Variants in PRKG1 observed in about 807,000 individuals in gnomAD.
PRKG1 encodes the protein protein kinase cGMP-dependent 1.
PRKG1 carries 35 observed loss-of-function variants against 88.1 expected under a neutral mutation model. The observed-to-expected ratio is 0.40, with a 90% CI of 0.30 to 0.53. PRKG1 has a LOEUF of 0.53. Among genes scored for constraint, PRKG1 ranks in the 20% least tolerant of loss-of-function variants. The pLI is 0.59. For missense variants in PRKG1, 540 were observed against 839.8 expected (o/e 0.64, Z 4.41); for synonymous variants, 303 against 292.5 (o/e 1.04, Z -0.37).
chr10:51,840,324 T>G (rs997577478), intron 4 of PRKG1, among the ~76,000 whole-genome samples: 7 of 152,088 alleles, frequency 4.6e-5, no homozygotes, highest in Non-Finnish European at 1.0e-4. Context: ...AACATTTCAT[T>G]TTTTAAAAGA....
intron 3 of PRKG1, among the ~76,000 whole-genome samples, chr10:51,764,286 C>T (rs1233466656): frequency 2.6e-5 from 4 of 152,138 alleles, no homozygotes; most frequent in African/African-American, 4.8e-5. Context: ...AGAAACTGCT[C>T]ATAGTGTTAG....
intron 9 of PRKG1, among the ~76,000 whole-genome samples, chr10:52,214,828 T>C (rs1157947282): frequency 7.2e-5 from 11 of 151,738 alleles, no homozygotes; most frequent in Non-Finnish European, 1.5e-4. Context: ...CTAGAGACAA[T>C]AGGAAGAAGA....
chr10:51,217,042 T>G (rs374476757), intron 2 of PRKG1, among the ~76,000 whole-genome samples: 1 of 152,158 alleles, frequency 6.6e-6, no homozygotes, highest in South Asian at 2.1e-4. Flanking sequence ...CCTGTGCAGA[T>G]AGTCAAATTG....
Position 52,106,695 on chromosome 10 carries a change from C to G in PRKG1, c.936-27145C>G, listed in dbSNP as rs1032502040. On this transcript the variant is annotated intron_variant, in intron 7 of 17. Transcript: ENST00000373980. ...CTCCAGCCTGGGCAGCAGAGCGAGACTCTGTCCCAAAATAATAATAATAAT... is the reference window on the plus strand; with the variant it reads ...CTCCAGCCTGGGCAGCAGAGCGAGAGTCTGTCCCAAAATAATAATAATAAT... 8.0e-5 allele frequency among the ~76,000 whole-genome samples: 11 copies of G among 136,704 alleles called. No homozygotes were observed. In the East Asian group the frequency reaches 2.4e-3, roughly 29 times the overall value. 89.7% of individuals were successfully genotyped at this position (136,704 alleles called of 152,430 possible). A position where few individuals can be genotyped will look rare whatever the true frequency, so the allele number is the denominator to read the frequency against.
At chr10:51,373,805 T>C (rs1403249699) in intron 2 of PRKG1, among the ~76,000 whole-genome samples, 1 of 152,102 alleles carries the variant, frequency 6.6e-6, no homozygotes, top group Non-Finnish European at 1.5e-5. Flanking sequence ...GTTTCTTTTC[T>C]TTCTTTTTTT....
At chr10:51,485,853 C>T (rs1020351425) in intron 3 of PRKG1, among the ~76,000 whole-genome samples, 13 of 152,142 alleles carry the variant, frequency 8.5e-5, no homozygotes, top group African/African-American at 3.1e-4. Context: ...AGTGTAGCAG[C>T]TTGCTAACGG....
intron 4 of PRKG1, among the ~76,000 whole-genome samples, chr10:51,830,276 T>C (rs1025297733): frequency 2.0e-5 from 3 of 152,166 alleles, no homozygotes; most frequent in Admixed American, 6.5e-5. Flanking sequence ...TCTTGAATAA[T>C]GAGTCTTCAG....
At chr10:51,418,223 C>T (rs1838298407) in intron 2 of PRKG1, among the ~76,000 whole-genome samples, 2 of 152,082 alleles carry the variant, frequency 1.3e-5, no homozygotes, top group South Asian at 2.1e-4. Flanking sequence ...TTTTAGTTAG[C>T]CTTGAGATTC....
chr10:52,168,853 A>G (rs1245581256), intron 9 of PRKG1, among the ~76,000 whole-genome samples: 1 of 152,180 alleles, frequency 6.6e-6, no homozygotes, highest in African/African-American at 2.4e-5. Flanking sequence ...AGAATTCACT[A>G]AGGTAGAGAA....
intron 1 of PRKG1, among the ~76,000 whole-genome samples, chr10:51,100,891 TG>T (rs1306515688): frequency 6.6e-6 from 1 of 152,172 alleles, no homozygotes; most frequent in African/African-American, 2.4e-5. Context: ...AACAGATTCC[TG>T]GGCTGTGAAA....
intron 3 of PRKG1, among the ~76,000 whole-genome samples, chr10:51,478,398 C>A (rs1840260379): frequency 6.6e-6 from 1 of 152,060 alleles, no homozygotes; most frequent in Non-Finnish European, 1.5e-5. Flanking sequence ...GGTAAAGCTG[C>A]TGGTGATGGC....
chr10:51,017,047 G>A (rs981559694), intron 1 of PRKG1, among the ~76,000 whole-genome samples: 2 of 151,730 alleles, frequency 1.3e-5, no homozygotes, highest in African/African-American at 4.8e-5. Flanking sequence ...AGCATCTTGA[G>A]TTACATGAGA....
In PRKG1 at chr10:51,039,049, T is replaced by A. The variant is rs143505178; in HGVS notation, c.266+47405T>A. Among the ~76,000 whole-genome samples, 361 of 152,054 alleles carry A rather than the reference T, an allele frequency of 2.4e-3. 4 individuals carry two copies. Among genetic ancestry groups the A allele is most frequent in the African/African-American group, 8.3e-3 (346 of 41,500 alleles). Reference sequence around the variant, plus strand: ...TTACTAATGAAGTAAAACAAGAGAGTGCAGATATCTCTTCAGTATACTGAT... The same window carrying A: ...TTACTAATGAAGTAAAACAAGAGAGAGCAGATATCTCTTCAGTATACTGAT... On this transcript the variant is annotated intron_variant, in intron 1 of 17. Transcript: ENST00000401604.
At chr10:51,345,750 C>G (rs1308890934) in intron 2 of PRKG1, among the ~76,000 whole-genome samples, 2 of 152,114 alleles carry the variant, frequency 1.3e-5, no homozygotes, top group African/African-American at 2.4e-5. Context: ...ATTTATTGAG[C>G]ATGTGCTTTG....
intron 8 of PRKG1, among the ~76,000 whole-genome samples, chr10:52,157,637 C>T (rs536001178): frequency 5.3e-5 from 8 of 151,518 alleles, no homozygotes; most frequent in Admixed American, 2.0e-4. Context: ...AAAACAGACA[C>T]GTTTTCTAAA....
intron 3 of PRKG1, among the ~76,000 whole-genome samples, chr10:51,522,949 G>A (rs1308491642): frequency 6.6e-6 from 1 of 152,182 alleles, no homozygotes; most frequent in Non-Finnish European, 1.5e-5. Context: ...GGTCCTTACA[G>A]TCTTATTTAA....
intron 2 of PRKG1, among the ~76,000 whole-genome samples, chr10:51,394,604 T>C (rs1837528413): frequency 6.6e-6 from 1 of 152,174 alleles, no homozygotes; most frequent in Non-Finnish European, 1.5e-5. Context: ...ACAAAGTAGA[T>C]AGGGAAATGC....
At chr10:51,194,650 T>G (rs959767502) in intron 2 of PRKG1, among the ~76,000 whole-genome samples, 1 of 152,106 alleles carries the variant, frequency 6.6e-6, no homozygotes, top group Non-Finnish European at 1.5e-5. Flanking sequence ...TTTTAGTAGT[T>G]TTTCGGTGTG....
chr10:51,670,553 G>A (rs1295072808), intron 3 of PRKG1, among the ~76,000 whole-genome samples: 1 of 149,520 alleles, frequency 6.7e-6, no homozygotes, highest in African/African-American at 2.4e-5. Flanking sequence ...CGGCTAAAAC[G>A]GTGAAACCCC....
Sources: gnomAD v4.1 joint callset for allele counts (sites outside exome capture counted in the v4.1 genomes callset) on GRCh38, gnomAD v4.1.1 for gene constraint, MANE v1.5 for transcripts, NCBI Gene and HGNC (gene_info 2026-07-23, HGNC 2026-07-21) for gene names.